The following CNTN5 variants were observed in gnomAD, a reference collection of about 807,000 sequenced individuals.
The protein encoded by CNTN5 is contactin-5.
A neutral mutation model predicts 129.1 loss-of-function variants in CNTN5; 77 were observed. The observed-to-expected ratio is 0.60, with a 90% confidence interval of 0.50 to 0.72. The LOEUF is 0.72. Among genes scored for constraint, CNTN5 ranks in the 30% least tolerant of loss-of-function variants. CNTN5 has a pLI of 0.00. For missense variants in CNTN5, 1,478 were observed against 1,328.8 expected, an observed-to-expected ratio of 1.11 and a Z score of -1.75; for synonymous variants, 509 against 465.6, an observed-to-expected ratio of 1.09 and a Z score of -1.20.
chr11:99,729,720 T>C (rs1166202098), intron 3 of CNTN5, among the ~76,000 whole-genome samples: 4 of 151,958 alleles, frequency 2.6e-5, no homozygotes, highest in Non-Finnish European at 5.9e-5. Context: ...TATGCAGCCA[T>C]AAAAAGGAGT....
chr11:99,074,344 A>T (rs1865473045), intron 1 of CNTN5, among the ~76,000 whole-genome samples: 1 of 152,024 alleles, frequency 6.6e-6, no homozygotes, highest in South Asian at 2.1e-4. Context: ...CACTCTGATG[A>T]TAGTTTCCTT....
chr11:100,220,829 G>A (rs1056408822), intron 15 of CNTN5, among the ~76,000 whole-genome samples: 4 of 152,122 alleles, frequency 2.6e-5, no homozygotes, highest in Non-Finnish European at 5.9e-5. Flanking sequence ...TACTCTTGAG[G>A]TGTTTTTTCC....
At chr11:99,117,978 A>C (rs920334483) in intron 1 of CNTN5, among the ~76,000 whole-genome samples, 8 of 152,196 alleles carry the variant, frequency 5.3e-5, no homozygotes, top group African/African-American at 1.9e-4. Context: ...TCACAATTTT[A>C]GGTATGTTTT....
At chr11:99,941,993 T>C (rs1244181942) in intron 7 of CNTN5, among the ~76,000 whole-genome samples, 1 of 152,006 alleles carries the variant, frequency 6.6e-6, no homozygotes, top group African/African-American at 2.4e-5. Context: ...GCATTCATCA[T>C]CAGAAAGGGC....
At chr11:99,081,948 A>G (rs1011496975) in intron 1 of CNTN5, among the ~76,000 whole-genome samples, 20 of 152,316 alleles carry the variant, frequency 1.3e-4, no homozygotes, top group South Asian at 1.0e-3. Flanking sequence ...AAATTCATAG[A>G]TAATATAACA....
intron 2 of CNTN5, among the ~76,000 whole-genome samples, chr11:99,528,671 T>C (rs1947580891): frequency 6.6e-6 from 1 of 152,182 alleles, no homozygotes; most frequent in South Asian, 2.1e-4. Context: ...ATGGTGTAAT[T>C]CTCATTTGTA....
chr11:99,035,577 AG>A (rs1863676929), intron 1 of CNTN5, among the ~76,000 whole-genome samples: 2 of 146,558 alleles, frequency 1.4e-5, no homozygotes, highest in African/African-American at 5.1e-5. Context: ...GTTTTATCAG[AG>A]ACTAGGATTG....
At chr11:99,493,881 T>TA (rs11463821) in intron 2 of CNTN5, among the ~76,000 whole-genome samples, 30,343 of 152,114 alleles carry the variant, frequency 0.2, 3,350 homozygotes, top group Middle Eastern at 0.34. Context: ...CAAGATTTAC[T>TA]AAAGGTAGTA....
intron 9 of CNTN5, among the ~76,000 whole-genome samples, chr11:100,014,970 G>GT (rs1025869599): frequency 6.6e-6 from 1 of 152,022 alleles, no homozygotes; most frequent in Non-Finnish European, 1.5e-5. Flanking sequence ...CCATTTAGGC[G>GT]TTTTCCAAAG....
chr11:99,758,505 C>G (rs1388661036), intron 3 of CNTN5, among the ~76,000 whole-genome samples: 1 of 151,786 alleles, frequency 6.6e-6, no homozygotes, highest in African/African-American at 2.4e-5. Context: ...ACAGAATATG[C>G]AAAGATGATT....
At chr11:100,100,339 G>A (rs1011808243) in intron 13 of CNTN5, among the ~76,000 whole-genome samples, 60 of 152,034 alleles carry the variant, frequency 3.9e-4, no homozygotes, top group African/African-American at 1.3e-3. Flanking sequence ...ATGATTCATT[G>A]TTTTATCATT....
chr11:99,465,874 C>CTTTTTT (rs35950728), intron 2 of CNTN5, among the ~76,000 whole-genome samples: 2 of 106,404 alleles, frequency 1.9e-5, no homozygotes, highest in South Asian at 3.5e-4. Context: ...TGCCACACAC[C>CTTTTTT]TTTTTTTTTT....
intron 3 of CNTN5, among the ~76,000 whole-genome samples, chr11:99,623,226 C>T (rs992122806): frequency 6.6e-6 from 1 of 151,960 alleles, no homozygotes; most frequent in African/African-American, 2.4e-5. Flanking sequence ...GTGATAAAAC[C>T]TCACTAAAAA....
At chr11:99,428,663 T>C (rs1943241326) in intron 2 of CNTN5, among the ~76,000 whole-genome samples, 1 of 151,860 alleles carries the variant, frequency 6.6e-6, no homozygotes, top group African/African-American at 2.4e-5. Context: ...TTATCTAACA[T>C]AATATAACTT....
At chr11:99,772,132 G>GA (rs2135341111) in intron 3 of CNTN5, among the ~76,000 whole-genome samples, 1 of 151,090 alleles carries the variant, frequency 6.6e-6, no homozygotes, top group South Asian at 2.1e-4. Context: ...GACATTGTGA[G>GA]AAAAATTTTT....
At chr11:99,294,839 T>G (rs1490896507) in intron 1 of CNTN5, among the ~76,000 whole-genome samples, 2 of 152,214 alleles carry the variant, frequency 1.3e-5, no homozygotes, top group African/African-American at 4.8e-5. Flanking sequence ...ATTGGCAGAA[T>G]TCTGAAGTTG....
intron 21 of CNTN5, among the ~76,000 whole-genome samples, chr11:100,328,707 C>T (rs887450976): frequency 6.6e-6 from 1 of 152,060 alleles, no homozygotes; most frequent in Middle Eastern, 3.2e-3. Context: ...TTGGGGATTA[C>T]AATTTGACAT....
chr11:100,243,879 T>G (rs1949790338), intron 16 of CNTN5, among the ~76,000 whole-genome samples: 1 of 152,178 alleles, frequency 6.6e-6, no homozygotes, highest in Non-Finnish European at 1.5e-5. Flanking sequence ...ATGATCAGAA[T>G]GTATTTCAAT....
intron 1 of CNTN5, among the ~76,000 whole-genome samples, chr11:99,225,718 G>A (rs73000203): frequency 0.033 from 5,058 of 152,138 alleles, 112 homozygotes; most frequent in Middle Eastern, 0.068. Context: ...CTCTCTAAAT[G>A]CAATTTAATG....
Sources: allele counts gnomAD v4.1 joint callset (sites outside exome capture counted in the v4.1 genomes callset), GRCh38; gene constraint gnomAD v4.1.1; transcripts MANE v1.5; gene names NCBI Gene and HGNC (gene_info 2026-07-23, HGNC 2026-07-21).